The following VPS45 variants were observed in gnomAD, a reference collection of about 807,000 sequenced individuals.
VPS45 encodes the protein vacuolar protein sorting 45 homolog.
VPS45 carries 35 observed loss-of-function variants against 75.9 expected under a neutral mutation model. That is an observed-to-expected ratio of 0.46 (90% CI 0.35 to 0.61). The LOEUF (loss-of-function observed/expected upper bound fraction) is 0.61. Among genes scored for constraint, VPS45 ranks in the 20% least tolerant of loss-of-function variants. VPS45 has a pLI of 0.00. For missense variants in VPS45, 559 were observed against 685.9 expected (o/e 0.81, Z 2.07); for synonymous variants, 220 against 238.2 (o/e 0.92, Z 0.70).
At chr1:150,071,428 A>C (rs1402832995) in intron 2 of VPS45, among the ~76,000 whole-genome samples, 3 of 152,226 alleles carry the variant, frequency 2.0e-5, no homozygotes, top group African/African-American at 7.2e-5. Context: ...AGTGAATATA[A>C]TTAACTTTAT....
intron 12 of VPS45, among the ~76,000 whole-genome samples, chr1:150,092,876 C>G (rs1553802285): frequency 7.9e-6 from 1 of 126,666 alleles, no homozygotes; most frequent in Admixed American, 8.9e-5. Context: ...GAGTCTCGCT[C>G]TGTCTCCCAG....
At chr1:150,068,215 AAT>A (rs1654835202) in intron 1 of VPS45, 1 of 495,298 alleles carries the variant, frequency 2.0e-6, no homozygotes, top group Admixed American at 3.7e-5. Context: ...AGAAATCATT[AAT>A]ATGTCAGAGC....
chr1:150,110,648 T>C, intron 14 of VPS45, 21 bp downstream of exon 14: 1 of 1,575,120 alleles, frequency 6.3e-7, no homozygotes, highest in Admixed American at 1.8e-5. Context: ...ACATTCATTC[T>C]ACAACTGTGT....
At chr1:150,108,017 A>G (rs903058346) in intron 13 of VPS45, among the ~76,000 whole-genome samples, 1 of 152,086 alleles carries the variant, frequency 6.6e-6, no homozygotes, top group Non-Finnish European at 1.5e-5. Flanking sequence ...CCCCAACTTC[A>G]CTTCTGCTCC....
At chr1:150,127,368 G>A (rs187682846) in intron 14 of VPS45, among the ~76,000 whole-genome samples, 4 of 151,408 alleles carry the variant, frequency 2.6e-5, no homozygotes, top group Non-Finnish European at 5.9e-5. Flanking sequence ...CCAGGCTGGA[G>A]TGCAGTGGCA....
intron 10 of VPS45, among the ~76,000 whole-genome samples, chr1:150,090,131 T>C (rs1214493986): frequency 6.6e-6 from 1 of 152,244 alleles, no homozygotes; most frequent in Non-Finnish European, 1.5e-5. Context: ...AGTTGATAGT[T>C]ATGTCCTCAG....
intron 10 of VPS45, among the ~76,000 whole-genome samples, chr1:150,084,952 T>C (rs1655925659): frequency 6.6e-6 from 1 of 152,090 alleles, no homozygotes. Context: ...AAGAAAGAAG[T>C]CTACCTGTGG....
At chr1:150,122,110 C>T (rs1382958734) in intron 14 of VPS45, among the ~76,000 whole-genome samples, 1 of 152,232 alleles carries the variant, frequency 6.6e-6, no homozygotes, top group East Asian at 1.9e-4. Flanking sequence ...CACCTGAGGT[C>T]AAGAGTTCAA....
intron 13 of VPS45, among the ~76,000 whole-genome samples, chr1:150,097,753 T>A (rs587713980): frequency 3.3e-5 from 5 of 152,066 alleles, no homozygotes; most frequent in Non-Finnish European, 5.9e-5. Flanking sequence ...AAAGTGTACA[T>A]GTATATAAAT....
chr1:150,096,450 C>T (rs1425043519), intron 13 of VPS45, among the ~76,000 whole-genome samples: 3 of 151,936 alleles, frequency 2.0e-5, no homozygotes, highest in South Asian at 4.2e-4. Context: ...ATACTTGTAA[C>T]GAAGAAGTTT....
intron 4 of VPS45, chr1:150,076,660 G>A (rs1553798142): frequency 1.8e-6 from 1 of 549,332 alleles, no homozygotes; most frequent in Non-Finnish European, 3.2e-6. Context: ...AGTATGCATA[G>A]AGGTCTCCAG....
chr1:150,130,080 G>T (rs1223574062), intron 14 of VPS45, among the ~76,000 whole-genome samples: 1 of 151,282 alleles, frequency 6.6e-6, no homozygotes, highest in East Asian at 1.9e-4. Context: ...GCCCAGTCTG[G>T]TATTGAACTC....
chr1:150,069,765 T>G (rs1446871883), intron 2 of VPS45, among the ~76,000 whole-genome samples: 2 of 152,188 alleles, frequency 1.3e-5, no homozygotes, highest in East Asian at 3.9e-4. Context: ...TGTTATACTT[T>G]CTTGATTCAT....
chr1:150,078,235 C>A (rs587679895), intron 7 of VPS45, among the ~76,000 whole-genome samples: 1 of 152,216 alleles, frequency 6.6e-6, no homozygotes, highest in Non-Finnish European at 1.5e-5. Context: ...GCTTAAAAAA[C>A]TTCATTGGTT....
At chr1:150,105,184 A>G (rs1657251512) in intron 13 of VPS45, among the ~76,000 whole-genome samples, 1 of 152,182 alleles carries the variant, frequency 6.6e-6, no homozygotes. Context: ...GAATGGGGAA[A>G]AGTTGGAAGC....
chr1:150,136,249 CAAA>C (rs1559946668), intron 14 of VPS45, among the ~76,000 whole-genome samples: 3 of 137,222 alleles, frequency 2.2e-5, no homozygotes, highest in Non-Finnish European at 4.5e-5. Flanking sequence ...ACTCTGTCTA[CAAA>C]AAAAAAAAAA....
chr1:150,124,631 C>G (rs1658411274), intron 14 of VPS45, among the ~76,000 whole-genome samples: 1 of 150,430 alleles, frequency 6.6e-6, no homozygotes, highest in Non-Finnish European at 1.5e-5. Flanking sequence ...CACTCCAACC[C>G]CCCTACCTCC....
chr1:150,092,464 C>T, intron 12 of VPS45, 55 bp downstream of exon 12: 2 of 1,410,818 alleles, frequency 1.4e-6, no homozygotes, highest in South Asian at 1.2e-5. Flanking sequence ...GTCCTTGAGG[C>T]TGAGAGTGAA....
chr1:150,127,932 CTTTTA>C (rs1658601080), intron 14 of VPS45, among the ~76,000 whole-genome samples: 1 of 152,144 alleles, frequency 6.6e-6, no homozygotes, highest in African/African-American at 2.4e-5. Flanking sequence ...GGATCATTTA[CTTTTA>C]TTTTAAGAAT....
Sources: allele counts gnomAD v4.1 joint callset (sites outside exome capture counted in the v4.1 genomes callset), GRCh38; gene constraint gnomAD v4.1.1; transcripts MANE v1.5; gene names NCBI Gene and HGNC (gene_info 2026-07-23, HGNC 2026-07-21).